VWA8: variants seen among roughly 807,000 people sequenced by gnomAD.
VWA8 encodes von Willebrand factor A domain-containing protein 8.
VWA8 carries 221 observed loss-of-function variants against 241.5 expected under a neutral mutation model. The observed-to-expected ratio is 0.91, with a 90% confidence interval of 0.82 to 1.02. VWA8 has a LOEUF of 1.02. VWA8 is among the 50% of genes least tolerant of loss of function. The probability of loss-of-function intolerance (pLI) is 0.00; values close to 1 mark genes in which losing one functional copy is unlikely to be tolerated. For synonymous variants in VWA8, 852 were observed against 827.1 expected (o/e 1.03, Z -0.52); for missense variants, 2,322 against 2,328.7 (o/e 1.00, Z 0.06).
chr13:41,568,389 A>AG, intron 44 of VWA8, 84 bp from the exon 45 acceptor site: 1 of 1,082,802 alleles, frequency 9.2e-7, no homozygotes, highest in South Asian at 1.3e-5. Context: ...ACAGCCCCCT[A>AG]ATGGTTTCTT....
intron 37 of VWA8, among the ~76,000 whole-genome samples, chr13:41,628,452 T>C (rs1454707406): frequency 6.6e-6 from 1 of 152,200 alleles, no homozygotes; most frequent in Non-Finnish European, 1.5e-5. Context: ...ATTATGCACA[T>C]AAATTCATAC....
intron 20 of VWA8, among the ~76,000 whole-genome samples, chr13:41,770,838 C>T (rs1246891626): frequency 2.4e-5 from 3 of 126,398 alleles, no homozygotes; most frequent in Non-Finnish European, 4.8e-5. Flanking sequence ...AGAAAAGTTT[C>T]AGTATAAAAA....
At chr13:41,586,192 C>T (rs1480937411) in intron 42 of VWA8, among the ~76,000 whole-genome samples, 1 of 151,196 alleles carries the variant, frequency 6.6e-6, no homozygotes, top group African/African-American at 2.4e-5. Context: ...AAAACTTATA[C>T]CTGAAGGGAG....
intron 40 of VWA8, among the ~76,000 whole-genome samples, 155 bp from the exon 41 acceptor site, chr13:41,590,920 C>A (rs114537857): frequency 0.01 from 1,574 of 152,258 alleles, 28 homozygotes; most frequent in African/African-American, 0.034. Flanking sequence ...GGTTTCTGCT[C>A]TGCTGACAAA....
intron 37 of VWA8, among the ~76,000 whole-genome samples, chr13:41,630,091 A>G (rs572247725): frequency 1.1e-3 from 170 of 152,280 alleles, no homozygotes; most frequent in African/African-American, 3.8e-3. Flanking sequence ...AAGTTTGAGA[A>G]TCAGTAAGGA....
chr13:41,804,405 C>T (rs1870092153), intron 17 of VWA8, among the ~76,000 whole-genome samples: 1 of 151,648 alleles, frequency 6.6e-6, no homozygotes, highest in Admixed American at 6.6e-5. Context: ...AATAGAATAA[C>T]CAGCAAAAAT....
intron 23 of VWA8, 33 bp downstream of exon 23, chr13:41,729,509 A>G: frequency 6.3e-7 from 1 of 1,592,236 alleles, no homozygotes; most frequent in Non-Finnish European, 8.5e-7. Context: ...CATTGTATTT[A>G]TTAAAGGAAA....
Position 41,590,646 on chromosome 13 carries a change from C to T in VWA8, c.5106G>A (p.Glu1702=). 2.5e-6 allele frequency: 4 copies of T among 1,613,988 alleles called. No individual in the cohort carries two copies. Among genetic ancestry groups the T allele is most frequent in the Non-Finnish European group, 2.5e-6 (3 of 1,179,926 alleles). ...GCAGTTCACCATGACTTACTTGTGG[C>T]TCCAGCTCACCCCGACGTTTGTAGA... ...KAIYKRRGEL[E]PQLGSPQQKP... Residue 1702 remains glutamate, a synonymous_variant, in exon 41 of 45, where the codon GAG becomes GAA. Transcript: ENST00000379310.
In VWA8 at chr13:41,819,227, A is replaced by C; in HGVS notation, c.1860T>G (p.Ile620Met). The C allele has an allele frequency of 6.2e-7, 1 of 1,600,828 alleles. No homozygotes were observed. Among genetic ancestry groups the C allele is most frequent in the Non-Finnish European group, 8.5e-7 (1 of 1,176,998 alleles). ...TTGGCTTTCTTCTTACCTTTTCCTT[A>C]ATCACTTGGATTTCTTCACTTTTCA... is the stretch of plus-strand genomic sequence containing the variant. ...PLVKSEEIQV[I>M]KEKVPNVPQE... Residue 620 changes from isoleucine (I) to methionine (M), a missense_variant, in exon 15 of 45, where the codon ATT becomes ATG. Coordinates refer to ENST00000379310, the MANE Select transcript of VWA8 (RefSeq NM_015058.2).
At chr13:41,766,098 A>G (rs1222034348) in intron 20 of VWA8, among the ~76,000 whole-genome samples, 2 of 152,174 alleles carry the variant, frequency 1.3e-5, no homozygotes, top group Admixed American at 1.3e-4. Flanking sequence ...GGAAGTAAAC[A>G]TGCTTCTAAT....
chr13:41,903,064 A>G (rs1368605194), intron 4 of VWA8, among the ~76,000 whole-genome samples: 1 of 152,230 alleles, frequency 6.6e-6, no homozygotes, highest in African/African-American at 2.4e-5. Context: ...AACACTGAAT[A>G]AATAAAAAGG....
At chr13:41,758,795 T>C (rs2045718540) in intron 21 of VWA8, among the ~76,000 whole-genome samples, 1 of 151,366 alleles carries the variant, frequency 6.6e-6, no homozygotes, top group African/African-American at 2.4e-5. Context: ...ATATGAAGTT[T>C]AGCTATAGGC....
intron 42 of VWA8, among the ~76,000 whole-genome samples, chr13:41,585,951 A>G (rs1735290585): frequency 6.6e-6 from 1 of 151,928 alleles, no homozygotes; most frequent in Admixed American, 6.6e-5. Flanking sequence ...TTCAAGATCC[A>G]TAAAACAGGA....
At chr13:41,937,663 G>T (rs1434881579) in intron 2 of VWA8, among the ~76,000 whole-genome samples, 1 of 152,042 alleles carries the variant, frequency 6.6e-6, no homozygotes, top group Non-Finnish European at 1.5e-5. Flanking sequence ...ATACCATGTA[G>T]GTTTGTGTAA....
Position 41,787,491 on chromosome 13 carries a change from T to C in VWA8, c.2116A>G (p.Thr706Ala), listed in dbSNP as rs1283718415. 8 of 1,612,878 alleles carry C rather than the reference T, an allele frequency of 5.0e-6. No individual in the cohort carries two copies. The highest frequency in any genetic ancestry group is 6.8e-6 in the Non-Finnish European group (8 of 1,179,408). ...TTGTCATCAGTATTTATTTCTATTG[T>C]AGCATCTGCCAGATTTTTTTCTAAT... is the stretch of plus-strand genomic sequence containing the variant. ...SALEKNLADA[T>A]IEINTDDNLE... Residue 706 changes from threonine (T) to alanine (A), a missense_variant, in exon 18 of 45, where the codon ACA (threonine) becomes GCA (alanine). By Grantham distance (58) the Thr-to-Ala change is moderately conservative. Transcript: ENST00000379310.
intron 20 of VWA8, among the ~76,000 whole-genome samples, chr13:41,770,205 TG>T (rs1465307377): frequency 6.6e-6 from 1 of 151,786 alleles, no homozygotes; most frequent in Non-Finnish European, 1.5e-5. Context: ...CCCAGTACTT[TG>T]GGAGGCCGAG....
chr13:41,580,578 G>T (rs772005943), intron 42 of VWA8, among the ~76,000 whole-genome samples: 3 of 152,096 alleles, frequency 2.0e-5, no homozygotes, highest in Non-Finnish European at 2.9e-5. Flanking sequence ...TACCTCCCTT[G>T]GATGGTGAGG....
intron 12 of VWA8, among the ~76,000 whole-genome samples, chr13:41,841,822 T>A (rs9566864): frequency 3.5e-3 from 51 of 14,382 alleles, no homozygotes; most frequent in East Asian, 0.016. Context: ...AAAAAAAAAA[T>A]ATATATATAT....
At chr13:41,847,101 GA>G in intron 12 of VWA8, among the ~76,000 whole-genome samples, 1 of 152,222 alleles carries the variant, frequency 6.6e-6, no homozygotes, top group South Asian at 2.1e-4. Context: ...TATGAAGAGA[GA>G]AAGAGAGAGA....
Sources: allele counts gnomAD v4.1 joint callset (sites outside exome capture counted in the v4.1 genomes callset), GRCh38; gene constraint gnomAD v4.1.1; transcripts MANE v1.5; gene names NCBI Gene and HGNC (gene_info 2026-07-23, HGNC 2026-07-21).